Variants in CLNK observed in about 807,000 individuals in gnomAD.
CLNK encodes the protein cytokine dependent hematopoietic cell linker.
In CLNK, 74 loss-of-function variants were observed where a neutral mutation model predicts 68.6. The observed-to-expected ratio is 1.08, with a 90% confidence interval of 0.89 to 1.31. The LOEUF is 1.31. Among genes scored for constraint, CLNK ranks in the 50% most tolerant of loss-of-function variants. CLNK has a pLI of 0.00. For missense variants in CLNK, 553 were observed against 515.3 expected (o/e 1.07, Z -0.71); for synonymous variants, 198 against 172.2 (o/e 1.15, Z -1.17).
intron 17 of CLNK, among the ~76,000 whole-genome samples, chr4:10,501,804 G>A (rs180698843): frequency 2.6e-5 from 4 of 152,206 alleles, no homozygotes; most frequent in African/African-American, 7.2e-5. Flanking sequence ...GCGGGCGCCT[G>A]TAATCCCAGC....
the CLNK span, among the ~76,000 whole-genome samples, chr4:10,731,447 C>T: frequency 1.4e-3 from 217 of 152,254 alleles, no homozygotes; most frequent in South Asian, 3.3e-3. Context: ...ATCTTTTGTT[C>T]CTTAGTTTCT....
chr4:10,526,013 C>T lies in CLNK; in HGVS notation c.650-91G>A, dbSNP rs1014179999. 24 of 707,592 alleles carry T rather than the reference C, an allele frequency of 3.4e-5. No homozygotes were observed. In the African/African-American group the frequency reaches 4.1e-4, roughly 12 times the overall value. The allele number at this position is 707,592 out of a possible 1,614,324, so 43.8% of individuals were successfully genotyped here. ...CCCACTGGAACTACTATAATTTCCT[C>T]CAAGTAATCTCTGATTATTAGAAGG... On this transcript the variant is annotated intron_variant, in intron 13 of 18. Transcript: ENST00000226951.
At chr4:10,597,382 G>T (rs748760449) in intron 3 of CLNK, among the ~76,000 whole-genome samples, 2 of 151,756 alleles carry the variant, frequency 1.3e-5, no homozygotes, top group Non-Finnish European at 2.9e-5. Flanking sequence ...TTTAGGTCTT[G>T]TCTCTAGTCA....
chr4:10,561,072 T>A (rs4698071), intron 7 of CLNK, among the ~76,000 whole-genome samples: 1,755 of 152,028 alleles, frequency 0.012, 81 homozygotes, highest in Admixed American at 0.079. Flanking sequence ...ATTTTTTTTT[T>A]AATTTTTTTT....
the CLNK span, among the ~76,000 whole-genome samples, chr4:10,707,821 G>A: frequency 1.3e-5 from 2 of 152,304 alleles, no homozygotes; most frequent in African/African-American, 2.4e-5. Flanking sequence ...GGATAGGGGT[G>A]TAAACAAGAC....
At chr4:10,536,790 A>G (rs532825151) in intron 11 of CLNK, among the ~76,000 whole-genome samples, 104 of 152,328 alleles carry the variant, frequency 6.8e-4, no homozygotes, top group African/African-American at 2.3e-3. Flanking sequence ...ATTAAATAAA[A>G]GTAAACTGTA....
rs1721348782 is a variant in CLNK, at chr4:10,595,420, A to C, written c.83+2558T>G. On this transcript the variant is annotated intron_variant, in intron 3 of 18. Transcript: ENST00000226951. ...TACAAAATAAAAGTGGGTATTGCGG[A>C]TTTAGTAGGATGTTATAAAACACAT... 4.6e-5 allele frequency among the ~76,000 whole-genome samples: 7 copies of C among 152,140 alleles called. No homozygotes were observed. The South Asian group carries it at 1.5e-3, about 32-fold the overall frequency.
chr4:10,723,770 C>G, the CLNK span, among the ~76,000 whole-genome samples: 1 of 152,094 alleles, frequency 6.6e-6, no homozygotes, highest in Non-Finnish European at 1.5e-5. Flanking sequence ...ACAGCTTGTT[C>G]GGGAATAACT....
chr4:10,681,462 A>G (rs1406704059), intron 1 of CLNK, among the ~76,000 whole-genome samples: 1 of 152,208 alleles, frequency 6.6e-6, no homozygotes, highest in Non-Finnish European at 1.5e-5. Context: ...GTTAAAGATT[A>G]TCATCCAATC....
intron 2 of CLNK, among the ~76,000 whole-genome samples, chr4:10,631,942 CCT>C (rs984497719): frequency 1.3e-5 from 2 of 152,076 alleles, no homozygotes; most frequent in Admixed American, 1.3e-4. Flanking sequence ...AACACCTACC[CCT>C]GTTTCTGAAA....
intron 3 of CLNK, among the ~76,000 whole-genome samples, chr4:10,592,216 T>C (rs1027655426): frequency 3.3e-5 from 5 of 152,240 alleles, no homozygotes; most frequent in African/African-American, 1.2e-4. Context: ...AATTAGACTT[T>C]AAGTTCTTTG....
chr4:10,653,387 C>CAA (rs141097477), intron 2 of CLNK, among the ~76,000 whole-genome samples: 89 of 151,492 alleles, frequency 5.9e-4, no homozygotes, highest in Non-Finnish European at 9.1e-4. Context: ...AATAAACTCT[C>CAA]AAAAAAAACT....
chr4:10,527,149 A>G (rs1718353477), intron 13 of CLNK, among the ~76,000 whole-genome samples: 1 of 152,208 alleles, frequency 6.6e-6, no homozygotes, highest in African/African-American at 2.4e-5. Flanking sequence ...ACAATGCCAC[A>G]TTGTTGTGTT....
intron 2 of CLNK, among the ~76,000 whole-genome samples, chr4:10,636,339 G>A (rs1158110826): frequency 6.6e-6 from 1 of 152,166 alleles, no homozygotes. Context: ...GACACAGAGA[G>A]AAAAGATGGC....
At chr4:10,699,512 A>ATATATATATATATATTTT in the CLNK span, among the ~76,000 whole-genome samples, 1 of 32,746 alleles carries the variant, frequency 3.1e-5, no homozygotes, top group Non-Finnish European at 5.6e-5. Flanking sequence ...ATATATATAT[A>ATATATATATATATATTTT]TTTTTTTTTT....
At chr4:10,686,904 C>CT (rs1246823485), upstream of CLNK, among the ~76,000 whole-genome samples, 1 of 151,964 alleles carries the variant, frequency 6.6e-6, no homozygotes, top group Admixed American at 6.6e-5. Flanking sequence ...ATATTTAAAG[C>CT]TTTTTTTCTT....
At chr4:10,723,764 C>G in the CLNK span, among the ~76,000 whole-genome samples, 20 of 152,064 alleles carry the variant, frequency 1.3e-4, no homozygotes, top group Non-Finnish European at 2.8e-4. Flanking sequence ...GTTGAAACAG[C>G]TTGTTCGGGA....
intron 5 of CLNK, among the ~76,000 whole-genome samples, chr4:10,570,147 C>A (rs1055294715): frequency 6.6e-6 from 1 of 152,188 alleles, no homozygotes; most frequent in African/African-American, 2.4e-5. Context: ...GCAAAGGTGC[C>A]ATTTACATAC....
intron 15 of CLNK, chr4:10,517,263 A>C (rs1186636409): frequency 6.6e-6 from 1 of 152,168 alleles, no homozygotes; most frequent in Non-Finnish European, 1.5e-5. Flanking sequence ...AATAAAGGAG[A>C]GATGAATCCA....
Sources: gnomAD v4.1 joint callset for allele counts (sites outside exome capture counted in the v4.1 genomes callset) on GRCh38, gnomAD v4.1.1 for gene constraint, MANE v1.5 for transcripts, NCBI Gene and HGNC (gene_info 2026-07-23, HGNC 2026-07-21) for gene names.